Variants in HDAC9 observed in about 807,000 individuals in gnomAD.
HDAC9 encodes histone deacetylase 9.
HDAC9 carries 41 observed loss-of-function variants against 139.4 expected under a neutral mutation model. The ratio of observed to expected loss-of-function variants is 0.29; its 90% confidence interval spans 0.23 to 0.38. The LOEUF (loss-of-function observed/expected upper bound fraction) is 0.38, where lower values mean the gene tolerates loss of function less well. Among genes scored for constraint, HDAC9 ranks in the 10% least tolerant of loss-of-function variants. HDAC9 has a pLI of 1.00. For synonymous variants in HDAC9, 517 were observed against 476.2 expected (o/e 1.09, Z -1.12); for missense variants, 1,147 against 1,297.0 (o/e 0.88, Z 1.78).
At chr7:18,596,293 A>C (rs1043910063) in intron 6 of HDAC9, among the ~76,000 whole-genome samples, 1 of 152,106 alleles carries the variant, frequency 6.6e-6, no homozygotes, top group Non-Finnish European at 1.5e-5. Flanking sequence ...TTGTCTGTTT[A>C]AGAAAAATAA....
chr7:18,613,141 A>G (rs1837636600), intron 6 of HDAC9, among the ~76,000 whole-genome samples: 2 of 149,442 alleles, frequency 1.3e-5, no homozygotes, highest in South Asian at 2.1e-4. Context: ...TATATTTATA[A>G]TAGACTGAAT....
At chr7:18,346,001 A>G (rs9655154) in intron 1 of HDAC9, among the ~76,000 whole-genome samples, 9,980 of 152,086 alleles carry the variant, frequency 0.066, 984 homozygotes, top group African/African-American at 0.22. Context: ...AGTTTTCAGG[A>G]ACTCATTTTT....
intron 21 of HDAC9, among the ~76,000 whole-genome samples, chr7:18,852,089 C>T (rs1250048605): frequency 6.6e-6 from 1 of 152,188 alleles, no homozygotes; most frequent in Non-Finnish European, 1.5e-5. Flanking sequence ...ATCAGTGTCT[C>T]AATTTAGCCT....
chr7:18,387,243 A>G (rs377672495), intron 1 of HDAC9, among the ~76,000 whole-genome samples: 7 of 152,210 alleles, frequency 4.6e-5, no homozygotes, highest in Non-Finnish European at 1.0e-4. Context: ...CTTTCTGTCC[A>G]TCACTATTCT....
intron 19 of HDAC9, among the ~76,000 whole-genome samples, chr7:18,834,714 T>A (rs1467457642): frequency 6.6e-6 from 1 of 152,218 alleles, no homozygotes; most frequent in Non-Finnish European, 1.5e-5. Context: ...CTCATGCTCC[T>A]GCGTCTTCGA....
In HDAC9 at chr7:18,749,151, T is replaced by G. The variant is rs1788230355; in HGVS notation, c.2043+13T>G. 6.2e-7 allele frequency: 1 copy of G among 1,612,796 alleles called. No homozygotes were observed. Among genetic ancestry groups the G allele is most frequent in the Non-Finnish European group, 8.5e-7 (1 of 1,179,338 alleles). On this transcript the variant is annotated intron_variant, in intron 14 of 25. Coordinates refer to ENST00000686413, the MANE Select transcript of HDAC9 (RefSeq NM_178425.4). Reference sequence around the variant, plus strand: ...AAATAAATGTGAGGTAATCCAGAATTGGACACACTCTTTTACTTACTTAAA... The same window carrying G: ...AAATAAATGTGAGGTAATCCAGAATGGGACACACTCTTTTACTTACTTAAA...
intron 2 of HDAC9, among the ~76,000 whole-genome samples, chr7:18,582,905 C>T (rs1282519454): frequency 6.6e-6 from 1 of 152,060 alleles, no homozygotes; most frequent in African/African-American, 2.4e-5. Context: ...ATACGCTTAG[C>T]CTATACAATG....
At chr7:18,651,283 C>T (rs563036158) in intron 11 of HDAC9, among the ~76,000 whole-genome samples, 1 of 152,196 alleles carries the variant, frequency 6.6e-6, no homozygotes, top group East Asian at 1.9e-4. Flanking sequence ...TTATGAAACC[C>T]ATTCATACTG....
At chr7:18,708,098 A>G (rs1319916013) in intron 12 of HDAC9, among the ~76,000 whole-genome samples, 3 of 152,166 alleles carry the variant, frequency 2.0e-5, no homozygotes, top group Non-Finnish European at 4.4e-5. Context: ...CAACTGAAAA[A>G]TGAGGAAAAG....
At chr7:18,786,590 C>CTTCCTTCT (rs1332058378) in intron 16 of HDAC9, among the ~76,000 whole-genome samples, 4 of 69,230 alleles carry the variant, frequency 5.8e-5, no homozygotes, top group Non-Finnish European at 1.0e-4. Context: ...GGCTGGCTTC[C>CTTCCTTCT]TTCCTTCCTT....
chr7:18,290,545 G>A (rs1047294505), intron 1 of HDAC9: 12 of 456,436 alleles, frequency 2.6e-5, no homozygotes, highest in Non-Finnish European at 4.4e-5. Context: ...TCTTTTAAGA[G>A]AACTGTGAAA....
At position 18,578,037 on chromosome 7, in the gene HDAC9, C is replaced by T. The variant is rs564686384; in HGVS notation, c.23-7244C>T. On this transcript the variant is annotated intron_variant, in intron 2 of 25. Coordinates refer to ENST00000686413, the MANE Select transcript of HDAC9 (RefSeq NM_178425.4). Reference sequence around the variant, plus strand: ...CCTCCACCTCCATCTCTATCTCCATCCCCACCAGCTTAGCTTGACTTTTGG... The same window carrying T: ...CCTCCACCTCCATCTCTATCTCCATTCCCACCAGCTTAGCTTGACTTTTGG... The T allele has an allele frequency of 6.5e-4, 292 of 448,792 alleles. 7 individuals are homozygous for T. Among genetic ancestry groups the T allele is most frequent in the South Asian group, 4.5e-3 (274 of 60,944 alleles). The allele number at this position is 448,792 out of a possible 1,614,324, so 27.8% of individuals were successfully genotyped here.
intron 24 of HDAC9, among the ~76,000 whole-genome samples, chr7:18,962,265 G>A (rs917367703): frequency 7.2e-5 from 11 of 152,072 alleles, no homozygotes; most frequent in Non-Finnish European, 1.3e-4. Flanking sequence ...CCTGGGCCAG[G>A]CAGACCTTCA....
chr7:18,911,998 C>T (rs149223147), intron 22 of HDAC9, among the ~76,000 whole-genome samples: 18 of 151,986 alleles, frequency 1.2e-4, no homozygotes, highest in African/African-American at 3.9e-4. Flanking sequence ...ATTCTTTAAA[C>T]GTCTGCTAGG....
chr7:18,728,337 T>A (rs909992609), intron 13 of HDAC9, among the ~76,000 whole-genome samples: 8 of 151,824 alleles, frequency 5.3e-5, no homozygotes, highest in Non-Finnish European at 1.0e-4. Context: ...GTTTGATATT[T>A]CAGAACCTGA....
intron 17 of HDAC9, among the ~76,000 whole-genome samples, chr7:18,812,113 A>G (rs919354303): frequency 2.0e-5 from 3 of 151,858 alleles, no homozygotes; most frequent in Admixed American, 6.6e-5. Context: ...TTTAAATGTT[A>G]TATTGTTGCT....
chr7:18,792,651 A>T lies in HDAC9; in HGVS notation c.2215-694A>T, dbSNP rs552170946. Among the ~76,000 whole-genome samples, 4 of 152,338 alleles carry T rather than the reference A, an allele frequency of 2.6e-5. No individual in the cohort carries two copies. In the South Asian group the frequency reaches 8.3e-4, roughly 32 times the overall value. The stretch of plus-strand genomic sequence containing the variant: ...AACCATCTATTTTACTGGCTTATCC[A>T]ATTTTAACAATACCAGTTTGAACTG... On this transcript the variant is annotated intron_variant, in intron 16 of 25. Coordinates refer to ENST00000686413, the MANE Select transcript of HDAC9 (RefSeq NM_178425.4).
At chr7:18,589,913 T>G (rs1333684264) in intron 3 of HDAC9, among the ~76,000 whole-genome samples, 1 of 152,190 alleles carries the variant, frequency 6.6e-6, no homozygotes, top group East Asian at 1.9e-4. Context: ...GCGTTGATTA[T>G]TTTTACACCA....
At chr7:18,697,457 A>G (rs987712527) in intron 12 of HDAC9, among the ~76,000 whole-genome samples, 3 of 152,108 alleles carry the variant, frequency 2.0e-5, no homozygotes, top group Non-Finnish European at 2.9e-5. Context: ...CCTAGTCTCA[A>G]TCTCTCTTTC....
Sources: gnomAD v4.1 joint callset for allele counts (sites outside exome capture counted in the v4.1 genomes callset) on GRCh38, gnomAD v4.1.1 for gene constraint, MANE v1.5 for transcripts, NCBI Gene and HGNC (gene_info 2026-07-23, HGNC 2026-07-21) for gene names.